Variants in MED13L observed in about 807,000 individuals in gnomAD.
MED13L encodes mediator of RNA polymerase II transcription subunit 13-like.
Under a neutral mutation model 220.9 loss-of-function variants are expected in MED13L, and 7 were observed. That is an observed-to-expected ratio of 0.03 (90% CI 0.02 to 0.06). The LOEUF (loss-of-function observed/expected upper bound fraction) is 0.06. Among genes scored for constraint, MED13L ranks in the 10% least tolerant of loss-of-function variants. The pLI, the probability that MED13L is intolerant of heterozygous loss-of-function variation, is 1.00. For missense variants in MED13L, 1,965 were observed against 2,760.5 expected, an observed-to-expected ratio of 0.71 and a Z score of 6.46; for synonymous variants, 1,011 against 1,015.2, an observed-to-expected ratio of 1.00 and a Z score of 0.08.
intron 2 of MED13L, among the ~76,000 whole-genome samples, chr12:116,192,068 A>T (rs967352636): frequency 1.3e-5 from 2 of 152,172 alleles, no homozygotes; most frequent in African/African-American, 4.8e-5. Context: ...TAATGGTTAA[A>T]TTTTTTTAAG....
chr12:116,209,373 T>A (rs1463864), intron 2 of MED13L, among the ~76,000 whole-genome samples: 1 of 152,078 alleles, frequency 6.6e-6, no homozygotes, highest in Non-Finnish European at 1.5e-5. Flanking sequence ...CCTAAGGCCA[T>A]GATGAGGAAA....
In MED13L at chr12:116,096,272, C is replaced by T. The variant is rs145286531; in HGVS notation, c.479+397G>A. Among the ~76,000 whole-genome samples, 1,369 of 142,604 alleles carry T rather than the reference C, an allele frequency of 9.6e-3. 19 individuals are homozygous for T. The highest frequency in any genetic ancestry group is 0.033 in the African/African-American group (1,255 of 38,558). 93.6% of individuals were successfully genotyped at this position (142,604 alleles called of 152,430 possible). ...TGGGAGGCTGAGTTGGGAGGATCAC[C>T]TGAGCCTGGGAAGTCGAGGCTGAGG... On this transcript the variant is annotated intron_variant, in intron 4 of 30. Coordinates refer to ENST00000281928, the MANE Select transcript of MED13L (RefSeq NM_015335.5).
intron 2 of MED13L, among the ~76,000 whole-genome samples, chr12:116,146,709 A>C (rs1408902466): frequency 6.6e-6 from 1 of 151,902 alleles, no homozygotes; most frequent in Non-Finnish European, 1.5e-5. Flanking sequence ...TCTACTAAAA[A>C]ACACAAAACT....
At chr12:116,009,514 T>C (rs895805887) in intron 9 of MED13L, among the ~76,000 whole-genome samples, 2 of 152,182 alleles carry the variant, frequency 1.3e-5, no homozygotes, top group Non-Finnish European at 2.9e-5. Flanking sequence ...TTCCAATTTC[T>C]ATTTTATAAC....
rs1334285978 is a variant in MED13L, at chr12:116,083,683, G to A, written c.479+12986C>T. 4.6e-5 allele frequency among the ~76,000 whole-genome samples: 7 copies of A among 152,094 alleles called. No individual in the cohort carries two copies. In the South Asian group the frequency reaches 6.2e-4, roughly 14 times the overall value. On this transcript the variant is annotated intron_variant, in intron 4 of 30. Coordinates refer to ENST00000281928, the MANE Select transcript of MED13L (RefSeq NM_015335.5). ...TCATCACTTCCTGAAAACGCTGCAC[G>A]TACAAAAAGTCATAATTCTTGGGCT...
At chr12:116,134,701 A>G (rs1876379330) in intron 2 of MED13L, among the ~76,000 whole-genome samples, 1 of 152,198 alleles carries the variant, frequency 6.6e-6, no homozygotes, top group African/African-American at 2.4e-5. Context: ...TATTTACCTA[A>G]AAGACAACAT....
chr12:116,230,413 A>G lies in MED13L; in HGVS notation c.310+7055T>C, dbSNP rs1019995417. ...AGACTCCGTCTCAACAACAATAAAA[A>G]AAAGTAAAATGAAACTTACTTTTCA... On this transcript the variant is annotated intron_variant, in intron 2 of 30. Coordinates refer to ENST00000281928, the MANE Select transcript of MED13L (RefSeq NM_015335.5). The G allele has an allele frequency of 3.3e-6, 3 of 912,776 alleles. No individual in the cohort carries two copies. In the African/African-American group the frequency reaches 5.4e-5, roughly 16 times the overall value. 56.5% of individuals were successfully genotyped at this position (912,776 alleles called of 1,614,324 possible).
intron 2 of MED13L, among the ~76,000 whole-genome samples, chr12:116,134,592 T>C (rs754117311): frequency 3.3e-5 from 5 of 152,194 alleles, no homozygotes; most frequent in Non-Finnish European, 7.3e-5. Flanking sequence ...CATAAAACTT[T>C]CATTTTAGTT....
intron 1 of MED13L, among the ~76,000 whole-genome samples, chr12:116,270,072 A>G (rs1873164531): frequency 6.6e-6 from 1 of 152,218 alleles, no homozygotes; most frequent in Non-Finnish European, 1.5e-5. Context: ...TAAATGCAAG[A>G]AAAACAGGAG....
intron 2 of MED13L, among the ~76,000 whole-genome samples, chr12:116,213,928 G>A (rs1025324519): frequency 6.6e-6 from 1 of 152,232 alleles, no homozygotes; most frequent in Non-Finnish European, 1.5e-5. Flanking sequence ...TTTAAAGTTC[G>A]TACCTAGCAA....
chr12:116,173,523 T>C (rs893237287), intron 2 of MED13L, among the ~76,000 whole-genome samples: 1 of 152,142 alleles, frequency 6.6e-6, no homozygotes, highest in African/African-American at 2.4e-5. Context: ...ATAAGAAAAA[T>C]GTGTTATAAT....
At chr12:115,989,038 A>C (rs1359194989) in intron 17 of MED13L, among the ~76,000 whole-genome samples, 1 of 152,170 alleles carries the variant, frequency 6.6e-6, no homozygotes, top group Non-Finnish European at 1.5e-5. Flanking sequence ...CTCTACCTCC[A>C]TGAAAGCTTC....
intron 2 of MED13L, among the ~76,000 whole-genome samples, chr12:116,192,140 G>A (rs1444145340): frequency 1.3e-5 from 2 of 152,154 alleles, no homozygotes; most frequent in African/African-American, 4.8e-5. Flanking sequence ...GGCAACGGAA[G>A]GGTGGTGGCT....
chr12:116,252,148 G>C (rs1197867943), intron 1 of MED13L, among the ~76,000 whole-genome samples: 1 of 151,946 alleles, frequency 6.6e-6, no homozygotes, highest in Non-Finnish European at 1.5e-5. Context: ...AATTAATAAG[G>C]ATATAAAAAA....
At chr12:116,155,540 G>A (rs77794822) in intron 2 of MED13L, among the ~76,000 whole-genome samples, 10,215 of 152,030 alleles carry the variant, frequency 0.067, 465 homozygotes, top group African/African-American at 0.12. Flanking sequence ...ACCACAGTTC[G>A]GCCACACAAT....
At chr12:116,013,663 A>G (rs1242855691) in intron 8 of MED13L, among the ~76,000 whole-genome samples, 3 of 152,260 alleles carry the variant, frequency 2.0e-5, no homozygotes, top group African/African-American at 7.2e-5. Flanking sequence ...AATAGAAAAT[A>G]GAAGTATCGC....
At chr12:116,011,892 G>C (rs1029988463) in intron 9 of MED13L, among the ~76,000 whole-genome samples, 1 of 152,338 alleles carries the variant, frequency 6.6e-6, no homozygotes, top group Admixed American at 6.5e-5. Flanking sequence ...ACACGCAGCA[G>C]TCTGCATATA....
intron 16 of MED13L, among the ~76,000 whole-genome samples, chr12:115,994,070 T>G (rs1407935979): frequency 6.6e-6 from 1 of 152,124 alleles, no homozygotes; most frequent in Non-Finnish European, 1.5e-5. Flanking sequence ...AACAATTCAG[T>G]CTTGGTCTCA....
At chr12:116,235,475 AACTCTTTCAGACTTCAGTATTT>A in intron 2 of MED13L, among the ~76,000 whole-genome samples, 1 of 152,114 alleles carries the variant, frequency 6.6e-6, no homozygotes, top group Non-Finnish European at 1.5e-5. Flanking sequence ...AAACATCTAA[AACTCTTTCAGACTTCAGTATTT>A]TTATTTCTTT....
Sources: allele counts gnomAD v4.1 joint callset (sites outside exome capture counted in the v4.1 genomes callset), GRCh38; gene constraint gnomAD v4.1.1; transcripts MANE v1.5; gene names NCBI Gene and HGNC (gene_info 2026-07-23, HGNC 2026-07-21).